CNOT2: variants seen among roughly 807,000 people sequenced by gnomAD.
The protein encoded by CNOT2 is CC chemokine receptor 4-negative regulator of transcription 2.
In CNOT2, 7 loss-of-function variants were observed where a neutral mutation model predicts 72.1. The observed-to-expected ratio is 0.10, with a 90% CI of 0.06 to 0.18. The LOEUF (loss-of-function observed/expected upper bound fraction) is 0.18. Ranked by LOEUF, CNOT2 falls within the 10% of genes least tolerant of loss-of-function variation. The pLI, the probability that CNOT2 is intolerant of heterozygous loss-of-function variation, is 1.00. For synonymous variants in CNOT2, 196 were observed against 225.6 expected (o/e 0.87, Z 1.17); for missense variants, 345 against 660.3 (o/e 0.52, Z 5.23).
intron 1 of CNOT2, among the ~76,000 whole-genome samples, chr12:70,267,646 CT>C (rs1439931066): frequency 1.3e-5 from 2 of 152,214 alleles, no homozygotes; most frequent in African/African-American, 4.8e-5. Context: ...ATGTAGTTCC[CT>C]TTACTCATCC....
chr12:70,243,920 C>T (rs117529174), intron 1 of CNOT2: 14,549 of 152,348 alleles, frequency 0.095, 901 homozygotes, highest in Middle Eastern at 0.19. Flanking sequence ...GCGGCCGTGG[C>T]CGTGGCCGAC....
In CNOT2 at chr12:70,335,574, T is replaced by A. The variant is rs755945149; in HGVS notation, c.775+11T>A. ...GAAGAGCTCCTTATGGTAATTAAGC[T>A]TTTTAATGATGGCCAGTAGAAAGTT... On this transcript the variant is annotated intron_variant, in intron 8 of 15. Transcript: ENST00000229195. 3 of 1,603,600 alleles carry A rather than the reference T, an allele frequency of 1.9e-6. No homozygotes were observed. The highest frequency in any genetic ancestry group is 2.6e-6 in the Non-Finnish European group (3 of 1,171,732).
At chr12:70,276,889 G>A (rs1868914669) in intron 1 of CNOT2, among the ~76,000 whole-genome samples, 1 of 151,934 alleles carries the variant, frequency 6.6e-6, no homozygotes, top group African/African-American at 2.4e-5. Flanking sequence ...AAACATAAAA[G>A]AGGAGCCAGA....
intron 4 of CNOT2, chr12:70,324,279 A>G (rs540326024): frequency 2.5e-4 from 38 of 151,802 alleles, no homozygotes; most frequent in Non-Finnish European, 2.8e-4. Flanking sequence ...GGTGCCTACA[A>G]TGAATGAGGT....
At chr12:70,281,545 C>A (rs979757661) in intron 2 of CNOT2, among the ~76,000 whole-genome samples, 1 of 152,190 alleles carries the variant, frequency 6.6e-6, no homozygotes, top group African/African-American at 2.4e-5. Flanking sequence ...TTTAATCTCC[C>A]TGCCATGCAG....
At chr12:70,250,998 T>C (rs1565724974) in intron 1 of CNOT2, among the ~76,000 whole-genome samples, 2 of 152,130 alleles carry the variant, frequency 1.3e-5, no homozygotes, top group Non-Finnish European at 2.9e-5. Flanking sequence ...ATCAGATGAA[T>C]TGCAGGGGTT....
At chr12:70,309,040 A>AT (rs1729695586) in intron 2 of CNOT2, among the ~76,000 whole-genome samples, 1 of 152,156 alleles carries the variant, frequency 6.6e-6, no homozygotes, top group Non-Finnish European at 1.5e-5. Flanking sequence ...GTGAATCTTA[A>AT]TTTGCAAGCT....
intron 1 of CNOT2, among the ~76,000 whole-genome samples, chr12:70,258,987 T>C (rs1302094698): frequency 1.3e-5 from 2 of 152,238 alleles, no homozygotes; most frequent in Non-Finnish European, 2.9e-5. Flanking sequence ...AAGACTTTGC[T>C]AGGCTACCAT....
intron 2 of CNOT2, among the ~76,000 whole-genome samples, chr12:70,290,485 A>T (rs34081536): frequency 0.12 from 18,064 of 152,086 alleles, 1,429 homozygotes; most frequent in Non-Finnish European, 0.18. Flanking sequence ...TTTCAGTCTT[A>T]TAAGCAAGGG....
chr12:70,250,598 G>A (rs949685833), intron 1 of CNOT2, among the ~76,000 whole-genome samples: 1 of 151,916 alleles, frequency 6.6e-6, no homozygotes, highest in African/African-American at 2.4e-5. Flanking sequence ...AAATAAAGGG[G>A]GATAAAGGTA....
intron 2 of CNOT2, among the ~76,000 whole-genome samples, chr12:70,298,687 G>A (rs796446266): frequency 1.6e-4 from 24 of 150,176 alleles, no homozygotes; most frequent in African/African-American, 5.5e-4. Context: ...AAGAATGGGA[G>A]AAAGGGCATT....
chr12:70,281,063 TTAAC>T (rs1310162729), intron 2 of CNOT2, among the ~76,000 whole-genome samples: 1 of 151,962 alleles, frequency 6.6e-6, no homozygotes, highest in Non-Finnish European at 1.5e-5. Flanking sequence ...AATTACCAAT[TTAAC>T]TAATCAATGG....
intron 2 of CNOT2, among the ~76,000 whole-genome samples, chr12:70,280,817 G>A (rs1255576551): frequency 1.3e-5 from 2 of 152,078 alleles, no homozygotes; most frequent in Non-Finnish European, 2.9e-5. Flanking sequence ...ATAAGTTTAA[G>A]CCCAGTTAGG....
At chr12:70,307,535 A>G (rs1314711630) in intron 2 of CNOT2, among the ~76,000 whole-genome samples, 1 of 151,752 alleles carries the variant, frequency 6.6e-6, no homozygotes, top group African/African-American at 2.4e-5. Flanking sequence ...ATTGACTGAA[A>G]TGTCATGCTG....
At chr12:70,253,106 T>C (rs1412557013) in intron 1 of CNOT2, among the ~76,000 whole-genome samples, 3 of 152,232 alleles carry the variant, frequency 2.0e-5, no homozygotes, top group African/African-American at 7.2e-5. Flanking sequence ...TAAATCGTCA[T>C]ATTGCTCTGT....
intron 1 of CNOT2, among the ~76,000 whole-genome samples, chr12:70,264,928 A>C (rs555654790): frequency 1.8e-4 from 27 of 152,058 alleles, no homozygotes; most frequent in Non-Finnish European, 3.4e-4. Context: ...AGTTTTCTCC[A>C]ATTATGTTTT....
At chr12:70,277,066 A>G (rs1374935534) in intron 1 of CNOT2, among the ~76,000 whole-genome samples, 1 of 152,064 alleles carries the variant, frequency 6.6e-6, no homozygotes, top group East Asian at 1.9e-4. Flanking sequence ...CACTCTCCTT[A>G]TAAATTATAG....
chr12:70,309,767 G>C (rs947474073), intron 2 of CNOT2, among the ~76,000 whole-genome samples: 1 of 152,092 alleles, frequency 6.6e-6, no homozygotes, highest in Non-Finnish European at 1.5e-5. Flanking sequence ...TCAAAGTACT[G>C]TTAGGAGAAA....
Position 70,338,858 on chromosome 12 carries a change from T to C in CNOT2, c.1178+36T>C, listed in dbSNP as rs1881057792. ...TCTGTTTTTCCATGTCTGTATATAA[T>C]ACCTCTTCAGACTTCCAGTTTTTAA... On this transcript the variant is annotated intron_variant, in intron 11 of 15. Transcript: ENST00000229195. 5 of 1,556,314 alleles carry C rather than the reference T, an allele frequency of 3.2e-6. No homozygotes were observed. In the East Asian group the frequency reaches 1.1e-4, roughly 35 times the overall value.
Sources: gnomAD v4.1 joint callset for allele counts (sites outside exome capture counted in the v4.1 genomes callset) on GRCh38, gnomAD v4.1.1 for gene constraint, MANE v1.5 for transcripts, NCBI Gene and HGNC (gene_info 2026-07-23, HGNC 2026-07-21) for gene names.